The following PSMG2 variants were observed in gnomAD, a reference collection of about 807,000 sequenced individuals.
PSMG2 encodes the protein CD40 ligand-activated specific transcript 3.
PSMG2 carries 21 observed loss-of-function variants against 31.5 expected under a neutral mutation model. That is an observed-to-expected ratio of 0.67 (90% confidence interval 0.47 to 0.96). PSMG2 has a LOEUF of 0.96. Among genes scored for constraint, PSMG2 ranks in the 40% least tolerant of loss-of-function variants. The probability of loss-of-function intolerance (pLI) is 0.00; values close to 1 mark genes in which losing one functional copy is unlikely to be tolerated. For missense variants in PSMG2, 318 were observed against 321.2 expected, an observed-to-expected ratio of 0.99 and a Z score of 0.08; for synonymous variants, 120 against 110.4, an observed-to-expected ratio of 1.09 and a Z score of -0.54.
intron 1 of PSMG2, chr18:12,686,327 C>G (rs1237479781): frequency 6.2e-7 from 1 of 1,614,138 alleles, no homozygotes; most frequent in Non-Finnish European, 8.5e-7. Context: ...CCTCCAATAA[C>G]AGGGGCTCGT....
At chr18:12,664,543 C>G (rs1254400444) in intron 1 of PSMG2, among the ~76,000 whole-genome samples, 2 of 151,752 alleles carry the variant, frequency 1.3e-5, no homozygotes, top group African/African-American at 4.8e-5. Context: ...GAGCGAGACT[C>G]CGTCTCAAAA....
intron 3 of PSMG2, among the ~76,000 whole-genome samples, chr18:12,715,610 A>G (rs1157023426): frequency 6.6e-6 from 1 of 151,622 alleles, no homozygotes; most frequent in East Asian, 1.9e-4. Flanking sequence ...GGTTCAAGCA[A>G]TTCTCTTGTC....
intron 5 of PSMG2, among the ~76,000 whole-genome samples, chr18:12,723,732 C>T (rs184271117): frequency 1.1e-3 from 163 of 152,298 alleles, no homozygotes; most frequent in Admixed American, 1.2e-3. Flanking sequence ...ATAAAAGTAG[C>T]TAATACTTCT....
Position 12,720,491 on chromosome 18 carries a change from A to G in PSMG2, c.408-19A>G. ...TTGCTTTAGAGTTTTTAAAAAGTTA[A>G]CTATATGATTATTTCTAGTACTCCC... On this transcript the variant is annotated intron_variant, in intron 4 of 6. Coordinates refer to ENST00000317615, the MANE Select transcript of PSMG2 (RefSeq NM_020232.5). 1 of 1,540,922 alleles carries G rather than the reference A, an allele frequency of 6.5e-7. No homozygotes were observed. Among genetic ancestry groups the G allele is most frequent in the Non-Finnish European group, 8.7e-7 (1 of 1,144,284 alleles).
At chr18:12,695,852 C>CCACACACACACA (rs375916938) in intron 1 of PSMG2, among the ~76,000 whole-genome samples, 217 of 148,388 alleles carry the variant, frequency 1.5e-3, no homozygotes, top group African/African-American at 4.9e-3. Context: ...CATTCCTTCT[C>CCACACACACACA]CACACACACA....
At position 12,725,562 on chromosome 18, in the gene PSMG2, A is replaced by T. The variant is rs771698286; in HGVS notation, c.*31A>T. 6.8e-7 allele frequency: 1 copy of T among 1,480,260 alleles called. No homozygotes were observed. The allele number at this position is 1,480,260 out of a possible 1,614,324, so 91.7% of individuals were successfully genotyped here. ...TTTCTGTTTTATACCTTATACCCAA[A>T]ACACTTACTACCAACACAGCTGTTA... On this transcript the variant is annotated 3_prime_UTR_variant, in exon 7 of 7. Transcript: ENST00000317615.
At chr18:12,712,888 G>A in intron 3 of PSMG2, 128 bp downstream of exon 3, 1 of 598,032 alleles carries the variant, frequency 1.7e-6, no homozygotes, top group Non-Finnish European at 2.8e-6. Flanking sequence ...ATTCTACAGA[G>A]AAATAATCTT....
At chr18:12,700,002 A>G, upstream of PSMG2, 1 of 687,160 alleles carries the variant, frequency 1.5e-6, no homozygotes, top group Non-Finnish European at 2.4e-6. Flanking sequence ...CCTAAAGTCA[A>G]CAGGGTAAGG....
intron 1 of PSMG2, among the ~76,000 whole-genome samples, chr18:12,690,480 G>C (rs1216402179): frequency 3.3e-5 from 5 of 151,444 alleles, no homozygotes; most frequent in African/African-American, 1.2e-4. Flanking sequence ...TTTTGAGACG[G>C]AGTCTTGCTG....
intron 3 of PSMG2, among the ~76,000 whole-genome samples, chr18:12,714,965 C>T (rs1281505981): frequency 3.4e-5 from 5 of 149,134 alleles, no homozygotes; most frequent in Non-Finnish European, 7.4e-5. Flanking sequence ...CCACCCACCT[C>T]AGCCTCCCAA....
chr18:12,683,950 T>C (rs1282311162), intron 1 of PSMG2, among the ~76,000 whole-genome samples: 1 of 151,076 alleles, frequency 6.6e-6, no homozygotes, highest in Non-Finnish European at 1.5e-5. Context: ...TCACCATTAC[T>C]GTTGTAATGC....
upstream of PSMG2, chr18:12,702,683 G>A (rs1260662894): frequency 6.2e-6 from 6 of 963,190 alleles, no homozygotes; most frequent in Admixed American, 3.0e-5. Context: ...CAGCTCCCGG[G>A]GGACGCAACG....
chr18:12,693,211 T>G (rs903561027), intron 1 of PSMG2, among the ~76,000 whole-genome samples: 1 of 152,178 alleles, frequency 6.6e-6, no homozygotes, highest in Non-Finnish European at 1.5e-5. Flanking sequence ...CTAGAAATTA[T>G]AAATATGACA....
intron 1 of PSMG2, among the ~76,000 whole-genome samples, chr18:12,660,596 C>T (rs957360650): frequency 6.6e-6 from 1 of 152,132 alleles, no homozygotes; most frequent in African/African-American, 2.4e-5. Context: ...GCTGGGATTA[C>T]AGGTGTGAGC....
intron 6 of PSMG2, 99 bp downstream of exon 6, chr18:12,724,718 T>C: frequency 8.3e-7 from 1 of 1,206,448 alleles, no homozygotes; most frequent in Non-Finnish European, 1.1e-6. Context: ...TGAACGTTTG[T>C]ATTAAATATA....
intron 1 of PSMG2, chr18:12,674,889 A>C (rs1042872881): frequency 1.9e-6 from 1 of 518,502 alleles, no homozygotes; most frequent in Non-Finnish European, 3.3e-6. Context: ...AATAATAATA[A>C]TTATAGGGAT....
chr18:12,710,597 G>A (rs913907351), intron 2 of PSMG2, among the ~76,000 whole-genome samples: 1 of 151,998 alleles, frequency 6.6e-6, no homozygotes, highest in African/African-American at 2.4e-5. Flanking sequence ...TTTGTACAAT[G>A]TCCCACCTTC....
intron 3 of PSMG2, among the ~76,000 whole-genome samples, chr18:12,717,245 G>T (rs2040385898): frequency 6.6e-6 from 1 of 152,020 alleles, no homozygotes; most frequent in Non-Finnish European, 1.5e-5. Flanking sequence ...CACCTTGCCT[G>T]TCCCAGAGCC....
At chr18:12,660,041 C>T (rs980128324) in intron 1 of PSMG2, among the ~76,000 whole-genome samples, 8 of 152,166 alleles carry the variant, frequency 5.3e-5, no homozygotes, top group Non-Finnish European at 1.0e-4. Context: ...ACACTACCAC[C>T]TCCTGGCCTT....
Sources: gnomAD v4.1 joint callset for allele counts (sites outside exome capture counted in the v4.1 genomes callset) on GRCh38, gnomAD v4.1.1 for gene constraint, MANE v1.5 for transcripts, NCBI Gene and HGNC (gene_info 2026-07-23, HGNC 2026-07-21) for gene names.